The following DMXL2 variants were observed in gnomAD, a reference collection of about 807,000 sequenced individuals.
DMXL2 encodes dmX-like protein 2.
In DMXL2, 103 loss-of-function variants were observed where a neutral mutation model predicts 331.1. The ratio of observed to expected loss-of-function variants is 0.31; its 90% CI spans 0.27 to 0.37. The LOEUF (loss-of-function observed/expected upper bound fraction) is 0.37, where lower values mean the gene tolerates loss of function less well. Among genes scored for constraint, DMXL2 ranks in the 10% least tolerant of loss-of-function variants. DMXL2 has a pLI of 1.00. For missense variants in DMXL2, 3,171 were observed against 3,642.9 expected, an observed-to-expected ratio of 0.87 and a Z score of 3.33; for synonymous variants, 1,281 against 1,252.1, an observed-to-expected ratio of 1.02 and a Z score of -0.49.
intron 2 of DMXL2, among the ~76,000 whole-genome samples, chr15:51,569,666 G>A (rs571857678): frequency 1.1e-4 from 17 of 152,196 alleles, no homozygotes; most frequent in Admixed American, 4.6e-4. Flanking sequence ...CGCAGCCTCC[G>A]CTGGTGATAC....
At chr15:51,615,357 T>C (rs1160637972) in intron 1 of DMXL2, among the ~76,000 whole-genome samples, 2 of 152,348 alleles carry the variant, frequency 1.3e-5, no homozygotes, top group East Asian at 3.9e-4. Flanking sequence ...GCTAGAATCA[T>C]GCACTTGAGT....
intron 6 of DMXL2, among the ~76,000 whole-genome samples, chr15:51,561,155 G>A (rs1374419620): frequency 6.6e-6 from 1 of 152,220 alleles, no homozygotes; most frequent in East Asian, 1.9e-4. Context: ...GAGAATTAGT[G>A]TAAAAGTATC....
chr15:51,465,714 G>C, intron 30 of DMXL2, 63 bp from the exon 31 acceptor site: 1 of 1,202,448 alleles, frequency 8.3e-7, no homozygotes, highest in South Asian at 1.4e-5. Context: ...GAAACAGAGT[G>C]GTGTTCCCTG....
intron 2 of DMXL2, among the ~76,000 whole-genome samples, chr15:51,575,467 G>C (rs1215972981): frequency 1.3e-5 from 2 of 152,070 alleles, no homozygotes; most frequent in Admixed American, 6.6e-5. Flanking sequence ...ATATTTACTT[G>C]ACATGCCACC....
intron 14 of DMXL2, 146 bp from the exon 15 acceptor site, chr15:51,514,705 C>G: frequency 1.7e-6 from 1 of 579,962 alleles, no homozygotes. Flanking sequence ...AAGAAAAAAG[C>G]AACAGAAGAG....
chr15:51,585,635 G>A (rs1453858400), intron 1 of DMXL2, among the ~76,000 whole-genome samples: 7 of 152,074 alleles, frequency 4.6e-5, no homozygotes, highest in Admixed American at 4.6e-4. Context: ...ACTGCAAATT[G>A]TCTTCCAAAA....
chr15:51,553,971 T>C (rs1040497515), intron 6 of DMXL2, among the ~76,000 whole-genome samples: 4 of 152,202 alleles, frequency 2.6e-5, no homozygotes, highest in Non-Finnish European at 5.9e-5. Flanking sequence ...AACTGCCATG[T>C]TGTTCAAGGG....
At chr15:51,591,973 G>A (rs1437040788) in intron 1 of DMXL2, among the ~76,000 whole-genome samples, 1 of 152,130 alleles carries the variant, frequency 6.6e-6, no homozygotes, top group Non-Finnish European at 1.5e-5. Context: ...GGAAAAAACA[G>A]AGCAGAAAAA....
Position 51,598,538 on chromosome 15 carries a change from T to C in DMXL2, c.88-22357A>G, listed in dbSNP as rs148499120. Among the ~76,000 whole-genome samples, 254 of 152,364 alleles carry C rather than the reference T, an allele frequency of 1.7e-3. 2 individuals carry two copies. The highest frequency in any genetic ancestry group is 0.015 in the Admixed American group (234 of 15,300). ...AAATTCCAGATTAAGTGTTTAGCTATGTCTTTTTAGACTCCTTTAATCTGG... is the reference window on the plus strand; with the variant it reads ...AAATTCCAGATTAAGTGTTTAGCTACGTCTTTTTAGACTCCTTTAATCTGG... On this transcript the variant is annotated intron_variant, in intron 1 of 43. Transcript: ENST00000560891.
At chr15:51,599,571 G>A (rs1297609161) in intron 1 of DMXL2, among the ~76,000 whole-genome samples, 1 of 152,046 alleles carries the variant, frequency 6.6e-6, no homozygotes, top group Non-Finnish European at 1.5e-5. Flanking sequence ...ACAAATATAT[G>A]CATGTATACA....
chr15:51,562,767 G>C (rs967759406), intron 6 of DMXL2, among the ~76,000 whole-genome samples: 3 of 152,156 alleles, frequency 2.0e-5, no homozygotes, highest in Non-Finnish European at 4.4e-5. Context: ...CCAAAATCAT[G>C]AGATACCTAC....
At chr15:51,512,307 T>C (rs1000445051) in intron 15 of DMXL2, among the ~76,000 whole-genome samples, 3 of 152,106 alleles carry the variant, frequency 2.0e-5, no homozygotes, top group African/African-American at 7.2e-5. Context: ...AAACACAATA[T>C]GTAAACTTTG....
At chr15:51,591,457 C>T (rs866863004) in intron 1 of DMXL2, among the ~76,000 whole-genome samples, 2 of 152,272 alleles carry the variant, frequency 1.3e-5, no homozygotes, top group African/African-American at 2.4e-5. Flanking sequence ...GTGGAGCCCA[C>T]CTCAGTTCAA....
At position 51,499,399 on chromosome 15, in the gene DMXL2, C is replaced by T; in HGVS notation, c.3825G>A (p.Lys1275=). The change falls in exon 18 of 44, where the codon AAG becomes AAA. Residue 1275 remains lysine, a synonymous_variant. Coordinates refer to ENST00000560891, the MANE Select transcript of DMXL2 (RefSeq NM_001378457.1). ...DCEMHVYAQW[K]HAVKFGDTEA... is the part of the protein sequence containing the mutation. ...CAGTGTCTCCAAATTTGACAGCATG[C>T]TTCCACTGTGCATATACATGCATTT... is the stretch of plus-strand genomic sequence containing the variant. 1 of 1,613,900 alleles carries T rather than the reference C, an allele frequency of 6.2e-7. No individual in the cohort carries two copies. Among genetic ancestry groups the T allele is most frequent in the Non-Finnish European group, 8.5e-7 (1 of 1,180,022 alleles).
chr15:51,453,117 C>T (rs117084391), intron 41 of DMXL2: 2,165 of 153,340 alleles, frequency 0.014, 19 homozygotes, highest in Non-Finnish European at 0.021. Flanking sequence ...GAATAAAAGA[C>T]TACACACTGG....
At chr15:51,470,845 C>T (rs80231742) in intron 29 of DMXL2, among the ~76,000 whole-genome samples, 3,466 of 152,132 alleles carry the variant, frequency 0.023, 125 homozygotes, top group African/African-American at 0.069. Flanking sequence ...CTGATAAAAC[C>T]GCCAAATGTC....
Position 51,576,177 on chromosome 15 carries a change from T to C in DMXL2, c.92A>G (p.Tyr31Cys). 1 of 876,504 alleles carries C rather than the reference T, an allele frequency of 1.1e-6. No individual in the cohort carries two copies. Among genetic ancestry groups the C allele is most frequent in the Non-Finnish European group, 1.5e-6 (1 of 677,488 alleles). 54.3% of individuals were successfully genotyped at this position (876,504 alleles called of 1,614,324 possible). A position where few individuals can be genotyped will look rare whatever the true frequency, so the allele number is the denominator to read the frequency against. Residue 31 changes from tyrosine to cysteine, a missense_variant, in exon 2 of 44, where the codon TAT becomes TGT. Physicochemically the swap from Tyr to Cys is radical, Grantham distance 194. Around this residue, in one of 7 missense-constraint regions of DMXL2, gnomAD observed 1,674 missense variants for 1,780.2 expected, o/e 0.94. Coordinates refer to ENST00000560891, the MANE Select transcript of DMXL2 (RefSeq NM_001378457.1). ...AATAACAATATCACAGCCTGATCCATATGCCTAAAAAAAAAAAAAAAAAAA... is the reference window on the plus strand; with the variant it reads ...AATAACAATATCACAGCCTGATCCACATGCCTAAAAAAAAAAAAAAAAAAA... The part of the protein sequence containing the change: ...GSVGDVPFTA[Y>C]GSGCDIVILA...
chr15:51,450,945 ATCTT>A (rs1443221710), intron 42 of DMXL2, among the ~76,000 whole-genome samples: 1 of 152,130 alleles, frequency 6.6e-6, no homozygotes, highest in Non-Finnish European at 1.5e-5. Context: ...AAGACTGAGA[ATCTT>A]TCTGTCTTTC....
At chr15:51,600,252 C>A (rs2053133875) in intron 1 of DMXL2, among the ~76,000 whole-genome samples, 1 of 152,160 alleles carries the variant, frequency 6.6e-6, no homozygotes, top group Non-Finnish European at 1.5e-5. Context: ...AGATACCTGC[C>A]TTTTACAACC....
Sources: allele counts gnomAD v4.1 joint callset (sites outside exome capture counted in the v4.1 genomes callset), GRCh38; gene constraint gnomAD v4.1.1; regional missense constraint gnomAD v4.1.1; transcripts MANE v1.5; gene names NCBI Gene and HGNC (gene_info 2026-07-23, HGNC 2026-07-21).